The following WLS variants were observed in gnomAD, a reference collection of about 807,000 sequenced individuals.
WLS encodes the protein protein wntless homolog.
WLS carries 23 observed loss-of-function variants against 62.8 expected under a neutral mutation model. The observed-to-expected ratio is 0.37, with a 90% CI of 0.26 to 0.52. WLS has a LOEUF of 0.52. Ranked by LOEUF, WLS falls within the 20% of genes least tolerant of loss-of-function variation. WLS has a pLI of 0.92. For synonymous variants in WLS, 246 were observed against 244.1 expected, an observed-to-expected ratio of 1.01 and a Z score of -0.07; for missense variants, 615 against 697.3, an observed-to-expected ratio of 0.88 and a Z score of 1.33.
intron 2 of WLS, chr1:68,162,061 G>A (rs1408709122): frequency 1.9e-6 from 3 of 1,586,846 alleles, no homozygotes; most frequent in Admixed American, 1.7e-5. Flanking sequence ...ACCTGTGATG[G>A]CTCGGCGGAT....
At chr1:68,223,086 A>G (rs1275822504) in intron 1 of WLS, among the ~76,000 whole-genome samples, 2 of 152,200 alleles carry the variant, frequency 1.3e-5, no homozygotes, top group African/African-American at 4.8e-5. Context: ...CTGTGCTGCC[A>G]GTGAGGGTTG....
intron 1 of WLS, chr1:68,202,319 C>T (rs901807840): frequency 1.3e-5 from 2 of 152,160 alleles, no homozygotes; most frequent in African/African-American, 4.8e-5. Flanking sequence ...AGAGGTTTAG[C>T]TCATAAAATC....
At position 68,162,527 on chromosome 1, in the gene WLS, C is replaced by A. The variant is rs558415917; in HGVS notation, c.380-3280G>T. 238 of 1,611,134 alleles carry A rather than the reference C, an allele frequency of 1.5e-4. 2 individuals carry two copies. The South Asian group carries it at 2.5e-3, about 17-fold the overall frequency. On this transcript the variant is annotated intron_variant, in intron 2 of 11. Coordinates refer to ENST00000262348, the MANE Select transcript of WLS (RefSeq NM_024911.7). ...ACTGCAACCGCCTACCCCCTGCGAT[C>A]AAAGCCGATGAGGCCCAGCATTTCC...
chr1:68,183,441 T>C (rs1272850730), intron 2 of WLS: 8 of 438,446 alleles, frequency 1.8e-5, no homozygotes, highest in South Asian at 3.6e-5. Context: ...ATAGTTCTTA[T>C]AGTGTATAAA....
intron 11 of WLS, among the ~76,000 whole-genome samples, chr1:68,114,637 C>T (rs1348824810): frequency 6.6e-6 from 1 of 152,176 alleles, no homozygotes; most frequent in Non-Finnish European, 1.5e-5. Flanking sequence ...AGGCATCTGA[C>T]TGGTGCAGAC....
At chr1:68,100,683 G>A (rs541931018) in intron 11 of WLS, 1 of 152,240 alleles carries the variant, frequency 6.6e-6, no homozygotes, top group South Asian at 2.1e-4. Flanking sequence ...TTTCTCTTCT[G>A]TAATGTCAAA....
At chr1:68,144,680 A>G (rs753005878) in intron 9 of WLS, 28 bp from the exon 10 acceptor site, 3 of 1,556,958 alleles carry the variant, frequency 1.9e-6, no homozygotes, top group Non-Finnish European at 2.7e-6. Flanking sequence ...GTAGTTTAAT[A>G]CTCCATCAGC....
In WLS at chr1:68,218,016, CTTGAG is replaced by C. The variant is rs562157671; in HGVS notation, c.106+14173_106+14177del. On this transcript the variant is annotated intron_variant, in intron 1 of 11. Coordinates refer to ENST00000262348, the MANE Select transcript of WLS (RefSeq NM_024911.7). ...CATGGTTCAATGGCTCAACCACAAT[CTTGAG>C]TTAAGTATCAGAGAAGAGTATTGAA... 7.9e-3 allele frequency among the ~76,000 whole-genome samples: 1,198 copies of C among 152,278 alleles called. 13 individuals carry two copies. The highest frequency in any genetic ancestry group is 0.011 in the Non-Finnish European group (767 of 68,016).
chr1:68,224,336 T>C (rs1463147802), intron 1 of WLS, among the ~76,000 whole-genome samples: 3 of 152,198 alleles, frequency 2.0e-5, no homozygotes, highest in African/African-American at 7.2e-5. Context: ...ACAAGCTGTG[T>C]CCTTGAAAAG....
chr1:68,101,314 A>G (rs1225694279), intron 11 of WLS, among the ~76,000 whole-genome samples: 2 of 152,038 alleles, frequency 1.3e-5, no homozygotes, highest in Non-Finnish European at 2.9e-5. Flanking sequence ...TGCTATTATT[A>G]TTATTATTAT....
intron 3 of WLS, 123 bp from the exon 4 acceptor site, chr1:68,155,383 C>T (rs999802033): frequency 4.6e-5 from 56 of 1,224,638 alleles, no homozygotes; most frequent in Admixed American, 2.8e-4. Flanking sequence ...ACACTTTAGA[C>T]GTACAGAGTA....
chr1:68,150,615 G>C (rs939729022), intron 5 of WLS, among the ~76,000 whole-genome samples: 2 of 152,198 alleles, frequency 1.3e-5, no homozygotes, highest in African/African-American at 4.8e-5. Flanking sequence ...TACCACTGCA[G>C]ATGGCAGTCT....
At chr1:68,227,841 A>C (rs1409975038) in intron 1 of WLS, among the ~76,000 whole-genome samples, 1 of 152,210 alleles carries the variant, frequency 6.6e-6, no homozygotes, top group Non-Finnish European at 1.5e-5. Context: ...AAAGAAATGC[A>C]ACAAGCTTAA....
intron 1 of WLS, among the ~76,000 whole-genome samples, chr1:68,200,187 C>A (rs534784180): frequency 6.6e-4 from 100 of 152,078 alleles, no homozygotes; most frequent in African/African-American, 2.4e-3. Context: ...ATTTATCTAA[C>A]AAAAATGATA....
intron 11 of WLS, among the ~76,000 whole-genome samples, chr1:68,127,453 TTAG>T (rs989906875): frequency 2.6e-5 from 4 of 152,182 alleles, no homozygotes; most frequent in African/African-American, 9.6e-5. Context: ...CTTTTCTAAA[TTAG>T]TAGGAGAAAA....
exon 12 of WLS, chr1:68,098,686 C>T (rs1646038653): frequency 6.2e-7 from 1 of 1,613,998 alleles, no homozygotes. Context: ...AAGCGCTGAA[C>T]AATTCTTGAT....
In WLS at chr1:68,125,699, G is replaced by A. The variant is rs540418050; in HGVS notation, c.*527C>T. The stretch of plus-strand genomic sequence containing the variant: ...CACAAAACAGGGACACTTATCTATT[G>A]ACAACTTAAATATTAACTCAGTGGG... On this transcript the variant is annotated 3_prime_UTR_variant, in exon 12 of 12. Coordinates refer to ENST00000262348, the MANE Select transcript of WLS (RefSeq NM_024911.7). 1.2e-5 allele frequency: 12 copies of A among 985,730 alleles called. No homozygotes were observed. The East Asian group carries it at 1.0e-3, about 84-fold the overall frequency. The allele number at this position is 985,730 out of a possible 1,614,324, so 61.1% of individuals were successfully genotyped here.
At chr1:68,137,960 A>G (rs768981171) in intron 10 of WLS, 27 bp from the exon 11 acceptor site, 12 of 1,612,342 alleles carry the variant, frequency 7.4e-6, no homozygotes, top group East Asian at 2.2e-5. Flanking sequence ...GTGATATTCA[A>G]TTGAAACAGA....
chr1:68,162,068 G>A (rs573004537), intron 2 of WLS: 7 of 1,581,902 alleles, frequency 4.4e-6, no homozygotes, highest in Admixed American at 1.7e-5. Flanking sequence ...ATGGCTCGGC[G>A]GATCTCAGTG....
Sources: gnomAD v4.1 joint callset for allele counts (sites outside exome capture counted in the v4.1 genomes callset) on GRCh38, gnomAD v4.1.1 for gene constraint, MANE v1.5 for transcripts, NCBI Gene and HGNC (gene_info 2026-07-23, HGNC 2026-07-21) for gene names.